The following CAST variants were observed in gnomAD, a reference collection of about 807,000 sequenced individuals.
CAST encodes the protein calpastatin, also known as MIR583 host.
A neutral mutation model predicts 119.6 loss-of-function variants in CAST; 76 were observed. That is an observed-to-expected ratio of 0.64 (90% confidence interval 0.53 to 0.77). The LOEUF is 0.77. CAST is among the 30% of genes least tolerant of loss of function. The probability of loss-of-function intolerance (pLI) is 0.00; values close to 1 mark genes in which losing one functional copy is unlikely to be tolerated. For missense variants in CAST, 953 were observed against 946.5 expected (o/e 1.01, Z -0.09); for synonymous variants, 319 against 331.6 (o/e 0.96, Z 0.41).
At chr5:96,661,896 C>T (rs1748551287), upstream of CAST, among the ~76,000 whole-genome samples, 1 of 152,234 alleles carries the variant, frequency 6.6e-6, no homozygotes, top group Admixed American at 6.5e-5. Flanking sequence ...TTTTGTGATC[C>T]GCTTCCTTAT....
At chr5:96,741,429 G>A (rs935960766) in intron 14 of CAST, 65 bp from the exon 15 acceptor site, 2 of 1,482,122 alleles carry the variant, frequency 1.3e-6, no homozygotes, top group Admixed American at 1.7e-5. Flanking sequence ...TAACTTTTTA[G>A]TTCAGGCTAT....
At chr5:96,719,544 G>A (rs1361636501) in intron 3 of CAST, among the ~76,000 whole-genome samples, 1 of 152,150 alleles carries the variant, frequency 6.6e-6, no homozygotes, top group African/African-American at 2.4e-5. Flanking sequence ...TCTGCTTCTT[G>A]TTACTCTGAC....
At chr5:96,535,403 A>T (rs1417336754) in intron 1 of CAST, among the ~76,000 whole-genome samples, 2 of 152,122 alleles carry the variant, frequency 1.3e-5, no homozygotes, top group Admixed American at 6.5e-5. Flanking sequence ...TCAGTATTTT[A>T]AAAATGTTAT....
At chr5:96,066,008 G>C in the CAST span, among the ~76,000 whole-genome samples, 1 of 152,174 alleles carries the variant, frequency 6.6e-6, no homozygotes, top group Non-Finnish European at 1.5e-5. Flanking sequence ...ATGAGGAAGA[G>C]AACAGACTAG....
the CAST span, among the ~76,000 whole-genome samples, chr5:96,141,030 T>C: frequency 1.2e-3 from 189 of 152,250 alleles, no homozygotes; most frequent in Middle Eastern, 6.8e-3. Flanking sequence ...GAGAAAATTA[T>C]GCATAGAATT....
chr5:96,741,255 T>A lies in CAST; in HGVS notation c.919-11T>A. 6.5e-7 allele frequency: 1 copy of A among 1,545,748 alleles called. No individual in the cohort carries two copies. The highest frequency in any genetic ancestry group is 1.1e-5 in the South Asian group (1 of 88,804). ...CCCGTAAGTTACCCATCACTGTGCC[T>A]GTTTCTTTAGAAACCCATAGGGCCA... On this transcript the variant is annotated splice_polypyrimidine_tract_variant and intron_variant, in intron 13 of 31. Transcript: ENST00000675179.
At chr5:96,103,650 A>G in the CAST span, among the ~76,000 whole-genome samples, 16 of 151,686 alleles carry the variant, frequency 1.1e-4, no homozygotes, top group East Asian at 2.1e-3. Context: ...GAATAATGCC[A>G]CAATAAACAT....
chr5:96,136,268 T>C, the CAST span, among the ~76,000 whole-genome samples: 309 of 152,342 alleles, frequency 2.0e-3, no homozygotes, highest in Middle Eastern at 3.4e-3. Context: ...GTGTTCCTCC[T>C]TCACCCCACT....
intron 24 of CAST, among the ~76,000 whole-genome samples, chr5:96,759,489 TAGAGAA>T (rs1476074358): frequency 2.0e-4 from 31 of 152,112 alleles, no homozygotes; most frequent in African/African-American, 7.5e-4. Flanking sequence ...TTATCAATAG[TAGAGAA>T]AGAGAAAAAG....
At chr5:96,433,444 C>CT in the CAST span, among the ~76,000 whole-genome samples, 1 of 152,232 alleles carries the variant, frequency 6.6e-6, no homozygotes, top group South Asian at 2.1e-4. Flanking sequence ...AAGTCTGCTC[C>CT]TTGTCTGCCC....
chr5:96,008,892 G>A, the CAST span, among the ~76,000 whole-genome samples: 2 of 152,158 alleles, frequency 1.3e-5, no homozygotes, highest in African/African-American at 4.8e-5. Context: ...ATTGTATGAT[G>A]CTGAGGTTTG....
At chr5:96,583,351 CAA>C (rs1323459095) in intron 1 of CAST, among the ~76,000 whole-genome samples, 1 of 151,918 alleles carries the variant, frequency 6.6e-6, no homozygotes, top group African/African-American at 2.4e-5. Context: ...GGGCTCTTCT[CAA>C]AACACTCAGT....
chr5:96,585,723 A>C (rs1746847877), intron 1 of CAST, among the ~76,000 whole-genome samples: 1 of 152,220 alleles, frequency 6.6e-6, no homozygotes, highest in African/African-American at 2.4e-5. Context: ...AAAATCTGCC[A>C]AGGACCAGAA....
the CAST span, among the ~76,000 whole-genome samples, chr5:96,412,750 A>ATTTTTT: frequency 7.9e-5 from 5 of 63,382 alleles, no homozygotes; most frequent in African/African-American, 4.0e-4. Flanking sequence ...GGCAGCTGTG[A>ATTTTTT]TGTTTTTTTT....
chr5:96,735,173 A>G (rs1181857176), intron 9 of CAST, among the ~76,000 whole-genome samples: 1 of 152,254 alleles, frequency 6.6e-6, no homozygotes, highest in Non-Finnish European at 1.5e-5. Flanking sequence ...AAGTACTTAC[A>G]TAGTGCTGAG....
chr5:96,659,111 C>T (rs1748207648), upstream of CAST, among the ~76,000 whole-genome samples: 2 of 152,194 alleles, frequency 1.3e-5, no homozygotes, highest in Admixed American at 6.5e-5. Flanking sequence ...TCTATGGGTG[C>T]ACTATGTGGT....
At chr5:96,610,738 A>C (rs1237711316) in intron 1 of CAST, among the ~76,000 whole-genome samples, 1 of 152,190 alleles carries the variant, frequency 6.6e-6, no homozygotes, top group African/African-American at 2.4e-5. Context: ...TATTCCTGTT[A>C]ATTGACAATA....
the CAST span, among the ~76,000 whole-genome samples, chr5:96,018,702 C>T: frequency 6.6e-6 from 1 of 152,178 alleles, no homozygotes; most frequent in Non-Finnish European, 1.5e-5. Flanking sequence ...ATGTGACCCA[C>T]TCCTGTTTCC....
the CAST span, among the ~76,000 whole-genome samples, chr5:95,975,931 C>T: frequency 2.6e-5 from 4 of 152,074 alleles, no homozygotes; most frequent in Admixed American, 2.0e-4. Flanking sequence ...GGAGTCAAAT[C>T]TTGTGGCTCC....
Sources: allele counts gnomAD v4.1 joint callset (sites outside exome capture counted in the v4.1 genomes callset), GRCh38; gene constraint gnomAD v4.1.1; transcripts MANE v1.5; gene names NCBI Gene and HGNC (gene_info 2026-07-23, HGNC 2026-07-21).